The following IER3IP1 variants were observed in gnomAD, a reference collection of about 807,000 sequenced individuals.
IER3IP1 encodes immediate early response 3 interacting protein 1.
Under a neutral mutation model 12.2 loss-of-function variants are expected in IER3IP1, and 16 were observed. That is an observed-to-expected ratio of 1.31 (90% CI 0.89 to 1.99). IER3IP1 has a LOEUF of 1.99. Among genes scored for constraint, IER3IP1 ranks in the 30% most tolerant of loss-of-function variants. The probability of loss-of-function intolerance (pLI) is 0.00; values close to 1 mark genes in which losing one functional copy is unlikely to be tolerated. For synonymous variants in IER3IP1, 42 were observed against 40.0 expected, an observed-to-expected ratio of 1.05 and a Z score of -0.19; for missense variants, 95 against 95.8, an observed-to-expected ratio of 0.99 and a Z score of 0.03.
intron 1 of IER3IP1, among the ~76,000 whole-genome samples, chr18:47,174,591 C>T (rs1343907004): frequency 2.0e-5 from 3 of 151,860 alleles, no homozygotes; most frequent in African/African-American, 7.3e-5. Flanking sequence ...ATCGCTTGAA[C>T]CTGGGAGGCG....
At chr18:47,169,530 T>C (rs2064008246) in intron 1 of IER3IP1, among the ~76,000 whole-genome samples, 1 of 152,182 alleles carries the variant, frequency 6.6e-6, no homozygotes, top group Non-Finnish European at 1.5e-5. Context: ...TCTTTAACAA[T>C]ATACGACAAT....
intron 1 of IER3IP1, among the ~76,000 whole-genome samples, chr18:47,167,145 G>T (rs1032665464): frequency 1.3e-5 from 2 of 151,998 alleles, no homozygotes; most frequent in African/African-American, 4.8e-5. Context: ...CTGCATCCTG[G>T]GCTCAAGCCA....
At chr18:47,157,149 C>T (rs1319066950) in intron 2 of IER3IP1, 2 of 383,284 alleles carry the variant, frequency 5.2e-6, no homozygotes, top group Non-Finnish European at 9.4e-6. Flanking sequence ...ACAACAGTTT[C>T]CAAAAGGCAA....
chr18:47,176,160 C>T, intron 1 of IER3IP1, 27 bp downstream of exon 1: 2 of 1,563,664 alleles, frequency 1.3e-6, no homozygotes, highest in Non-Finnish European at 1.7e-6. Context: ...GCCGCCGCCC[C>T]AGCCCGCGCC....
chr18:47,175,326 G>A (rs1354107605), intron 1 of IER3IP1, among the ~76,000 whole-genome samples: 3 of 152,208 alleles, frequency 2.0e-5, no homozygotes, highest in African/African-American at 7.2e-5. Context: ...GTGTCTGAAT[G>A]TCCTGATAAC....
chr18:47,158,365 CA>C (rs1264671413), intron 1 of IER3IP1, among the ~76,000 whole-genome samples: 1 of 151,948 alleles, frequency 6.6e-6, no homozygotes, highest in African/African-American at 2.4e-5. Context: ...TTTACTCTGT[CA>C]CCCTGCTGGA....
chr18:47,165,081 C>T (rs1368817441), intron 1 of IER3IP1, among the ~76,000 whole-genome samples: 1 of 152,150 alleles, frequency 6.6e-6, no homozygotes, highest in African/African-American at 2.4e-5. Context: ...CTTGCTGACC[C>T]TGAGCAGATC....
chr18:47,174,344 C>T (rs1191914610), intron 1 of IER3IP1, among the ~76,000 whole-genome samples: 1 of 152,194 alleles, frequency 6.6e-6, no homozygotes, highest in Non-Finnish European at 1.5e-5. Flanking sequence ...AGATCCTGTA[C>T]GTAAGTGCTA....
rs538727379 is a variant in IER3IP1, at chr18:47,168,539, G to A, written c.91+7648C>T. Among the ~76,000 whole-genome samples the A allele has an allele frequency of 5.3e-5, 8 of 152,180 alleles. No homozygotes were observed. The South Asian group carries it at 1.5e-3, about 28-fold the overall frequency. ...AATTATCCAATATATATTCTTTTGTGCCTGTCTTTTGCTCAAATTGTGTCA... is the reference window on the plus strand; with the variant it reads ...AATTATCCAATATATATTCTTTTGTACCTGTCTTTTGCTCAAATTGTGTCA... On this transcript the variant is annotated intron_variant, in intron 1 of 2. Coordinates refer to ENST00000256433, the MANE Select transcript of IER3IP1 (RefSeq NM_016097.5).
At chr18:47,165,891 G>A (rs1431196033) in intron 1 of IER3IP1, among the ~76,000 whole-genome samples, 1 of 152,198 alleles carries the variant, frequency 6.6e-6, no homozygotes, top group South Asian at 2.1e-4. Context: ...TGAGAAAATT[G>A]TTTAAGCTAC....
At chr18:47,156,790 G>GTTT (rs34039061) in intron 2 of IER3IP1, 64 of 102,912 alleles carry the variant, frequency 6.2e-4, no homozygotes, top group Non-Finnish European at 9.6e-4. Flanking sequence ...TTCTTTTCTG[G>GTTT]TTTTTTTTTT....
chr18:47,156,300 T>C (rs986448901), intron 2 of IER3IP1, 68 bp from the exon 3 acceptor site: 5 of 856,788 alleles, frequency 5.8e-6, no homozygotes, highest in Non-Finnish European at 9.8e-6. Flanking sequence ...AAAATAATAA[T>C]TAGCCTCCAG....
intron 1 of IER3IP1, among the ~76,000 whole-genome samples, chr18:47,158,458 C>T (rs1044226474): frequency 4.6e-5 from 7 of 152,030 alleles, no homozygotes; most frequent in Non-Finnish European, 4.4e-5. Flanking sequence ...CCTCCCACCT[C>T]GGCCTCCCGA....
intron 1 of IER3IP1, among the ~76,000 whole-genome samples, chr18:47,167,928 A>T (rs2064001235): frequency 6.6e-6 from 1 of 151,954 alleles, no homozygotes; most frequent in Admixed American, 6.6e-5. Flanking sequence ...GTTCAAGACC[A>T]GCCTGGCCAA....
intron 1 of IER3IP1, among the ~76,000 whole-genome samples, chr18:47,158,280 G>C (rs1404132374): frequency 1.3e-5 from 2 of 152,126 alleles, no homozygotes; most frequent in African/African-American, 4.8e-5. Context: ...CTCCCAAAGT[G>C]CTGGGATTAC....
intron 1 of IER3IP1, among the ~76,000 whole-genome samples, chr18:47,175,694 A>G (rs1417275492): frequency 6.6e-6 from 1 of 151,886 alleles, no homozygotes; most frequent in African/African-American, 2.4e-5. Context: ...AACTCCTGAC[A>G]TCATGATCCG....
chr18:47,176,233 G>T lies in IER3IP1; in HGVS notation c.45C>A (p.Cys15Ter). The change falls in exon 1 of 3, where the codon TGC becomes TGA. Residue 15 changes from cysteine (C) to a stop codon, truncating the protein, a stop_gained. Coordinates refer to ENST00000256433, the MANE Select transcript of IER3IP1 (RefSeq NM_016097.5). LOFTEE classifies it high-confidence loss of function. ...CGTGCAGCACTGCGATGGCGTTGACGCAGAGCAGGGCTGCCTGCAGCAGTG... is the reference window on the plus strand; with the variant it reads ...CGTGCAGCACTGCGATGGCGTTGACTCAGAGCAGGGCTGCCTGCAGCAGTG... ...LYSLLQAALL[C>*]VNAIAVLHEE... is the part of the protein sequence containing the mutation. 6.2e-7 allele frequency: 1 copy of T among 1,608,872 alleles called. No homozygotes were observed. The highest frequency in any genetic ancestry group is 8.5e-7 in the Non-Finnish European group (1 of 1,177,992).
At position 47,156,055 on chromosome 18, in the gene IER3IP1, C is replaced by T. The variant is rs1241376295; in HGVS notation, c.*122G>A. On this transcript the variant is annotated 3_prime_UTR_variant, in exon 3 of 3. Transcript: ENST00000256433. ...TAAATAGAAACCCTGGTTTTATTTTCAGCTTTACATTTTTGACAAGTGCAA... is the reference window on the plus strand; with the variant it reads ...TAAATAGAAACCCTGGTTTTATTTTTAGCTTTACATTTTTGACAAGTGCAA... 7.4e-6 allele frequency: 5 copies of T among 672,570 alleles called. No homozygotes were observed. Among genetic ancestry groups the T allele is most frequent in the South Asian group, 3.5e-5 (2 of 57,536 alleles). 41.7% of individuals were successfully genotyped at this position (672,570 alleles called of 1,614,324 possible). A position where few individuals can be genotyped will look rare whatever the true frequency, so the allele number is the denominator to read the frequency against.
At chr18:47,164,012 T>C (rs778147316) in intron 1 of IER3IP1, among the ~76,000 whole-genome samples, 34 of 152,198 alleles carry the variant, frequency 2.2e-4, no homozygotes, top group Non-Finnish European at 4.6e-4. Context: ...TTAAGTACTA[T>C]ATGGATTATG....
Sources: allele counts gnomAD v4.1 joint callset (sites outside exome capture counted in the v4.1 genomes callset), GRCh38; gene constraint gnomAD v4.1.1; transcripts MANE v1.5; gene names NCBI Gene and HGNC (gene_info 2026-07-23, HGNC 2026-07-21).